Variants in ATP6V0D2 observed in about 807,000 individuals in gnomAD.
The protein encoded by ATP6V0D2 is ATPase H+ transporting V0 subunit d2.
ATP6V0D2 carries 40 observed loss-of-function variants against 40.0 expected under a neutral mutation model. That is an observed-to-expected ratio of 1.00 (90% CI 0.78 to 1.30). ATP6V0D2 has a LOEUF of 1.30. Among genes scored for constraint, ATP6V0D2 ranks in the 50% most tolerant of loss-of-function variants. ATP6V0D2 has a pLI of 0.00. For synonymous variants in ATP6V0D2, 179 were observed against 156.3 expected, an observed-to-expected ratio of 1.15 and a Z score of -1.08; for missense variants, 470 against 423.1, an observed-to-expected ratio of 1.11 and a Z score of -0.97.
At chr8:86,139,745 C>A (rs1472135340) in intron 3 of ATP6V0D2, 110 bp downstream of exon 3, 2 of 1,262,810 alleles carry the variant, frequency 1.6e-6, no homozygotes, top group African/African-American at 3.0e-5. Flanking sequence ...ACTTTGATTT[C>A]ACAATTTTTT....
chr8:86,117,882 A>G (rs1818611484), intron 2 of ATP6V0D2, among the ~76,000 whole-genome samples: 1 of 152,116 alleles, frequency 6.6e-6, no homozygotes, highest in Admixed American at 6.5e-5. Context: ...TATAGGAAGG[A>G]GGAAGTGGGG....
chr8:86,110,175 A>G (rs1040111052), intron 1 of ATP6V0D2, among the ~76,000 whole-genome samples: 1 of 152,154 alleles, frequency 6.6e-6, no homozygotes, highest in African/African-American at 2.4e-5. Context: ...GCTCACTGCA[A>G]CTTCAGCCTC....
intron 1 of ATP6V0D2, among the ~76,000 whole-genome samples, chr8:86,101,021 C>G (rs1461142488): frequency 6.6e-6 from 1 of 151,720 alleles, no homozygotes; most frequent in Non-Finnish European, 1.5e-5. Context: ...GTGGCAGACA[C>G]CTGTAATCCC....
At chr8:86,114,999 G>T (rs1331550232) in intron 2 of ATP6V0D2, among the ~76,000 whole-genome samples, 2 of 152,120 alleles carry the variant, frequency 1.3e-5, no homozygotes, top group Non-Finnish European at 2.9e-5. Context: ...ATTAGTCAAA[G>T]GGGAACAAAA....
chr8:86,107,067 A>T (rs1431676102), intron 1 of ATP6V0D2, among the ~76,000 whole-genome samples: 1 of 152,080 alleles, frequency 6.6e-6, no homozygotes, highest in Non-Finnish European at 1.5e-5. Flanking sequence ...CTACCTAGAC[A>T]ACTGTGTAGT....
Position 86,153,206 on chromosome 8 carries a change from G to T in ATP6V0D2, c.*229G>T. On this transcript the variant is annotated 3_prime_UTR_variant, in exon 8 of 8. Coordinates refer to ENST00000285393, the MANE Select transcript of ATP6V0D2 (RefSeq NM_152565.1). The stretch of plus-strand genomic sequence containing the variant: ...CACATGTCTGTCTCATTCTTCACTG[G>T]GCCTTACAGGTTAGTTTTAATTAAC... The T allele has an allele frequency of 3.1e-6, 1 of 323,996 alleles. No individual in the cohort carries two copies. Among genetic ancestry groups the T allele is most frequent in the Non-Finnish European group, 5.5e-6 (1 of 180,926 alleles). The allele number at this position is 323,996 out of a possible 1,614,324, so 20.1% of individuals were successfully genotyped here. A position where few individuals can be genotyped will look rare whatever the true frequency, so the allele number is the denominator to read the frequency against.
chr8:86,150,337 C>A (rs1300183576), intron 6 of ATP6V0D2, 49 bp downstream of exon 6: 1 of 1,558,276 alleles, frequency 6.4e-7, no homozygotes, highest in East Asian at 2.3e-5. Context: ...CATTCATTTC[C>A]ATGTGCTTTA....
At chr8:86,113,569 A>ATATT (rs1818553091) in intron 1 of ATP6V0D2, 140 bp from the exon 2 acceptor site, 1 of 662,346 alleles carries the variant, frequency 1.5e-6, no homozygotes, top group Non-Finnish European at 2.4e-6. Context: ...AGTCTAAATC[A>ATATT]TATTTAGACC....
At chr8:86,146,571 C>T (rs911534772) in intron 5 of ATP6V0D2, among the ~76,000 whole-genome samples, 1 of 152,106 alleles carries the variant, frequency 6.6e-6, no homozygotes, top group Non-Finnish European at 1.5e-5. Flanking sequence ...TGGAACACAC[C>T]TATAGTCCTG....
chr8:86,141,521 C>T lies in ATP6V0D2; in HGVS notation c.553C>T (p.Leu185=), dbSNP rs778584582. The T allele has an allele frequency of 3.1e-6, 5 of 1,601,286 alleles. No homozygotes were observed. The highest frequency in any genetic ancestry group is 4.3e-6 in the Non-Finnish European group (5 of 1,171,108). The change falls in exon 4 of 8, where the codon CTA becomes TTA. Residue 185 remains leucine, a synonymous_variant. Coordinates refer to ENST00000285393, the MANE Select transcript of ATP6V0D2 (RefSeq NM_152565.1). ...ELNIELLRNK[L]YKSYLEAFYK... is the part of the protein sequence containing the mutation. ...GAATATTGAATTGCTACGCAATAAA[C>T]TATACAAGGTAATGGTTTTCCCAAA... is the stretch of plus-strand genomic sequence containing the variant.
intron 1 of ATP6V0D2, 115 bp downstream of exon 1, chr8:86,099,223 A>C: frequency 1.7e-6 from 2 of 1,150,514 alleles, no homozygotes; most frequent in South Asian, 2.2e-5. Context: ...AGTTCTGAGC[A>C]GATCCTTATT....
chr8:86,128,882 C>T (rs1586095137), intron 2 of ATP6V0D2, among the ~76,000 whole-genome samples: 1 of 152,310 alleles, frequency 6.6e-6, no homozygotes, highest in East Asian at 1.9e-4. Context: ...ACATGATAAT[C>T]TCCTATTATC....
chr8:86,141,360 G>T, intron 3 of ATP6V0D2, 90 bp from the exon 4 acceptor site: 1 of 856,050 alleles, frequency 1.2e-6, no homozygotes, highest in Admixed American at 2.0e-5. Flanking sequence ...TGTCAGGAGT[G>T]AGCAGAGGGT....
chr8:86,142,339 C>A (rs1818985942), intron 4 of ATP6V0D2, among the ~76,000 whole-genome samples: 1 of 152,200 alleles, frequency 6.6e-6, no homozygotes, highest in Non-Finnish European at 1.5e-5. Context: ...GATGTTTATG[C>A]TATCTCCATT....
At position 86,108,191 on chromosome 8, in the gene ATP6V0D2, G is replaced by C. The variant is rs192081708; in HGVS notation, c.131-5518G>C. 2.8e-3 allele frequency among the ~76,000 whole-genome samples: 427 copies of C among 152,262 alleles called. 2 individuals are homozygous for C. The highest frequency in any genetic ancestry group is 9.4e-3 in the African/African-American group (392 of 41,566). Reference sequence around the variant, plus strand: ...GGATCTCACTCTATTTCCTGAGCCAGAGTGCAGTAGCTTGAACACAGCTCA... The same window carrying C: ...GGATCTCACTCTATTTCCTGAGCCACAGTGCAGTAGCTTGAACACAGCTCA... On this transcript the variant is annotated intron_variant, in intron 1 of 7. Coordinates refer to ENST00000285393, the MANE Select transcript of ATP6V0D2 (RefSeq NM_152565.1).
chr8:86,116,060 T>C (rs950717386), intron 2 of ATP6V0D2, among the ~76,000 whole-genome samples: 3 of 152,194 alleles, frequency 2.0e-5, no homozygotes, highest in Non-Finnish European at 2.9e-5. Context: ...TTTTACTTAA[T>C]GAATAATATC....
intron 2 of ATP6V0D2, 87 bp from the exon 3 acceptor site, chr8:86,139,370 A>C: frequency 8.8e-7 from 1 of 1,142,828 alleles, no homozygotes; most frequent in Non-Finnish European, 1.3e-6. Flanking sequence ...AACAGTGTGT[A>C]CCTAAAGAGT....
At chr8:86,128,601 C>G (rs1818776888) in intron 2 of ATP6V0D2, among the ~76,000 whole-genome samples, 1 of 152,188 alleles carries the variant, frequency 6.6e-6, no homozygotes, top group Non-Finnish European at 1.5e-5. Flanking sequence ...TTTGAGATTA[C>G]TGATTACATT....
intron 5 of ATP6V0D2, among the ~76,000 whole-genome samples, chr8:86,145,424 G>T (rs950527514): frequency 1.1e-4 from 14 of 126,356 alleles, no homozygotes; most frequent in African/African-American, 2.9e-4. Flanking sequence ...AAAAGACGAG[G>T]TATCTCTATG....
Sources: gnomAD v4.1 joint callset for allele counts (sites outside exome capture counted in the v4.1 genomes callset) on GRCh38, gnomAD v4.1.1 for gene constraint, MANE v1.5 for transcripts, NCBI Gene and HGNC (gene_info 2026-07-23, HGNC 2026-07-21) for gene names.